The following CBR4 variants were observed in gnomAD, a reference collection of about 807,000 sequenced individuals.
CBR4 encodes the protein carbonyl reductase 4, also known as 3-oxoacyl-[acyl-carrier-protein] reductase.
Under a neutral mutation model 21.0 loss-of-function variants are expected in CBR4, and 22 were observed. The ratio of observed to expected loss-of-function variants is 1.05; its 90% CI spans 0.75 to 1.50. The LOEUF (loss-of-function observed/expected upper bound fraction) is 1.50, where lower values mean the gene tolerates loss of function less well. CBR4 is among the 40% of genes most tolerant of loss of function. The pLI is 0.00. For synonymous variants in CBR4, 100 were observed against 104.4 expected (o/e 0.96, Z 0.26); for missense variants, 302 against 286.3 (o/e 1.05, Z -0.40).
At chr4:168,982,153 G>A (rs922193205) in intron 2 of CBR4, among the ~76,000 whole-genome samples, 6 of 152,144 alleles carry the variant, frequency 3.9e-5, no homozygotes, top group Non-Finnish European at 7.4e-5. Context: ...AGACCCAACT[G>A]TATGCTGTCT....
At position 168,995,845 on chromosome 4, in the gene CBR4, C is replaced by T. The variant is rs534971482; in HGVS notation, c.536-5517G>A. ...AAGCTAGATATGGAACAGATAAAGG[C>T]TAACATCTTGAAGCTTTTAATAAGG... On this transcript the variant is annotated intron_variant, in intron 4 of 4. Coordinates refer to ENST00000306193, the MANE Select transcript of CBR4 (RefSeq NM_032783.5). 2.0e-5 allele frequency among the ~76,000 whole-genome samples: 3 copies of T among 152,234 alleles called. No homozygotes were observed. The South Asian group carries it at 6.2e-4, about 32-fold the overall frequency.
chr4:168,977,168 G>A (rs1434593678), intron 2 of CBR4, among the ~76,000 whole-genome samples: 1 of 151,846 alleles, frequency 6.6e-6, no homozygotes, highest in Non-Finnish European at 1.5e-5. Flanking sequence ...CATCTAAGCG[G>A]GAGCTGCACA....
intron 2 of CBR4, among the ~76,000 whole-genome samples, chr4:168,957,453 T>C (rs1175474497): frequency 2.0e-5 from 3 of 152,160 alleles, no homozygotes; most frequent in African/African-American, 7.2e-5. Context: ...CCTTCTCCCA[T>C]CACTGCTATC....
At chr4:168,952,524 G>T (rs1763570457) in intron 2 of CBR4, among the ~76,000 whole-genome samples, 1 of 152,160 alleles carries the variant, frequency 6.6e-6, no homozygotes, top group African/African-American at 2.4e-5. Context: ...TGGTTTTCTA[G>T]TTGCTTCCCA....
At chr4:168,958,552 C>T (rs1280944651) in intron 2 of CBR4, among the ~76,000 whole-genome samples, 5 of 152,250 alleles carry the variant, frequency 3.3e-5, no homozygotes, top group Admixed American at 1.3e-4. Context: ...TGTGTGAACA[C>T]GTATTTTTAT....
intron 2 of CBR4, among the ~76,000 whole-genome samples, chr4:168,895,668 G>A (rs533682175): frequency 6.6e-6 from 1 of 152,288 alleles, no homozygotes; most frequent in East Asian, 1.9e-4. Flanking sequence ...CTGAAGAGAA[G>A]AAGACAAGGG....
chr4:168,934,131 T>A (rs1005738394), intron 2 of CBR4, among the ~76,000 whole-genome samples: 2 of 151,840 alleles, frequency 1.3e-5, no homozygotes, highest in Non-Finnish European at 2.9e-5. Flanking sequence ...GGTGCACACC[T>A]ATAGCCCCAG....
chr4:168,912,325 ACAT>A (rs1426320766), intron 2 of CBR4, among the ~76,000 whole-genome samples: 1 of 152,222 alleles, frequency 6.6e-6, no homozygotes, highest in East Asian at 1.9e-4. Flanking sequence ...CATTGATGGT[ACAT>A]CTGCTTCTTG....
chr4:168,982,165 C>T (rs1370004887), intron 2 of CBR4, among the ~76,000 whole-genome samples: 1 of 152,152 alleles, frequency 6.6e-6, no homozygotes, highest in Admixed American at 6.5e-5. Context: ...ATGCTGTCTT[C>T]AAGAGACCAT....
intron 2 of CBR4, among the ~76,000 whole-genome samples, chr4:168,980,043 C>A (rs890389231): frequency 6.6e-6 from 1 of 152,136 alleles, no homozygotes; most frequent in Non-Finnish European, 1.5e-5. Context: ...TTCTGATGGA[C>A]AATGGCTATG....
chr4:168,931,027 T>A (rs1762957054), intron 2 of CBR4, among the ~76,000 whole-genome samples: 1 of 152,102 alleles, frequency 6.6e-6, no homozygotes, highest in South Asian at 2.1e-4. Flanking sequence ...CACACATGGG[T>A]GGCTGCAATG....
chr4:168,969,833 C>T (rs546679809), intron 2 of CBR4, among the ~76,000 whole-genome samples: 7 of 152,312 alleles, frequency 4.6e-5, no homozygotes, highest in Admixed American at 4.6e-4. Flanking sequence ...TCTCAGGCCC[C>T]ACTCCAAATC....
intron 3 of CBR4, among the ~76,000 whole-genome samples, chr4:169,002,921 T>C (rs1030615055): frequency 1.3e-5 from 2 of 152,204 alleles, no homozygotes; most frequent in Non-Finnish European, 1.5e-5. Flanking sequence ...TCTGTTATAA[T>C]GATCTGTGAT....
At position 168,921,856 on chromosome 4, in the gene CBR4, G is replaced by C. The variant is rs1761575471; in HGVS notation, n.170-27091C>G. ...AAATAAAGTATTGAAAAAATAGATT[G>C]TATCATCAAAATAGCCAATGAGGAC... On this transcript the variant is annotated intron_variant and non_coding_transcript_variant, in intron 2 of 3. Coordinates refer to the CBR4 transcript ENST00000509108. 9 of 867,038 alleles carry C rather than the reference G, an allele frequency of 1.0e-5. No individual in the cohort carries two copies. The East Asian group carries it at 2.4e-4, about 23-fold the overall frequency. The allele number at this position is 867,038 out of a possible 1,614,324, so 53.7% of individuals were successfully genotyped here. A position where few individuals can be genotyped will look rare whatever the true frequency, so the allele number is the denominator to read the frequency against.
chr4:169,009,229 C>G (rs1353255206), intron 1 of CBR4, among the ~76,000 whole-genome samples: 5 of 152,142 alleles, frequency 3.3e-5, no homozygotes. Flanking sequence ...TCTCCCTAAA[C>G]TCAATGAAGA....
intron 2 of CBR4, among the ~76,000 whole-genome samples, chr4:168,935,334 G>A (rs1398790718): frequency 6.6e-6 from 1 of 152,198 alleles, no homozygotes; most frequent in Non-Finnish European, 1.5e-5. Context: ...AAACTGGGCA[G>A]CCATTTGGCC....
chr4:168,962,960 T>C (rs1157155190), intron 2 of CBR4, among the ~76,000 whole-genome samples: 1 of 152,184 alleles, frequency 6.6e-6, no homozygotes, highest in East Asian at 1.9e-4. Context: ...AAATGTCTAC[T>C]AGATACAAAG....
intron 2 of CBR4, among the ~76,000 whole-genome samples, chr4:168,895,670 A>C (rs1560874629): frequency 6.6e-6 from 1 of 152,228 alleles, no homozygotes; most frequent in Non-Finnish European, 1.5e-5. Flanking sequence ...GAAGAGAAGA[A>C]GACAAGGGGT....
rs557057203 is a variant in CBR4 at position 168,977,060 on chromosome 4, A to T, written n.169+25011T>A. ...CATTTGCAGTGACAAGCCACTTCTT[A>T]CAAAGGGTCTGTGAATTCTTTCAGT... On this transcript the variant is annotated intron_variant and non_coding_transcript_variant, in intron 2 of 3. Coordinates refer to the CBR4 transcript ENST00000509108. Among the ~76,000 whole-genome samples the T allele has an allele frequency of 7.2e-5, 11 of 152,354 alleles. No individual in the cohort carries two copies. In the South Asian group the frequency reaches 2.3e-3, roughly 32 times the overall value.
Sources: allele counts gnomAD v4.1 joint callset (sites outside exome capture counted in the v4.1 genomes callset), GRCh38; gene constraint gnomAD v4.1.1; transcripts MANE v1.5; gene names NCBI Gene and HGNC (gene_info 2026-07-23, HGNC 2026-07-21).